The following CNTN4 variants were observed in gnomAD, a reference collection of about 807,000 sequenced individuals.
CNTN4 encodes the protein contactin 4, also known as contactin-4.
A neutral mutation model predicts 122.5 loss-of-function variants in CNTN4; 77 were observed. That is an observed-to-expected ratio of 0.63 (90% CI 0.52 to 0.76). The LOEUF (loss-of-function observed/expected upper bound fraction) is 0.76, where lower values mean the gene tolerates loss of function less well. CNTN4 is among the 30% of genes least tolerant of loss of function. The pLI, the probability that CNTN4 is intolerant of heterozygous loss-of-function variation, is 0.00. For missense variants in CNTN4, 1,256 were observed against 1,259.1 expected (o/e 1.00, Z 0.04); for synonymous variants, 512 against 447.0 (o/e 1.15, Z -1.83).
At chr3:2,439,142 A>G (rs1463358194) in intron 3 of CNTN4, among the ~76,000 whole-genome samples, 1 of 152,206 alleles carries the variant, frequency 6.6e-6, no homozygotes, top group Non-Finnish European at 1.5e-5. Context: ...TTTCTGGGAA[A>G]TTAAAACAAA....
chr3:2,751,919 C>T (rs1006814938), intron 6 of CNTN4, among the ~76,000 whole-genome samples: 8 of 151,986 alleles, frequency 5.3e-5, no homozygotes, highest in African/African-American at 1.2e-4. Context: ...AATCAAATGT[C>T]GTTAATTGTT....
At chr3:2,502,711 A>G (rs757988329) in intron 3 of CNTN4, among the ~76,000 whole-genome samples, 13 of 152,264 alleles carry the variant, frequency 8.5e-5, no homozygotes, top group South Asian at 8.3e-4. Flanking sequence ...TTGGAACTTT[A>G]CCTTCATTTT....
At chr3:2,399,258 C>T (rs2046752301) in intron 3 of CNTN4, among the ~76,000 whole-genome samples, 1 of 151,992 alleles carries the variant, frequency 6.6e-6, no homozygotes, top group Non-Finnish European at 1.5e-5. Context: ...CATGGTAAGC[C>T]ATAGTAAGCA....
chr3:2,644,234 A>G (rs1390698800), intron 4 of CNTN4, among the ~76,000 whole-genome samples: 1 of 152,218 alleles, frequency 6.6e-6, no homozygotes, highest in Non-Finnish European at 1.5e-5. Flanking sequence ...TTGGTCATAG[A>G]TGCTCTCAAT....
rs138028527 is a variant in CNTN4 at position 2,966,252 on chromosome 3, A to C, written c.1359-22093A>C. On this transcript the variant is annotated intron_variant, in intron 13 of 24. Coordinates refer to ENST00000418658, the MANE Select transcript of CNTN4 (RefSeq NM_175607.3). Reference sequence around the variant, plus strand: ...TTCAGTTAACTTTATTTTTTTTTACAGTTGATAGCTAGTATAAATCTCAGT... The same window carrying C: ...TTCAGTTAACTTTATTTTTTTTTACCGTTGATAGCTAGTATAAATCTCAGT... Among the ~76,000 whole-genome samples the C allele has an allele frequency of 3.1e-3, 465 of 152,190 alleles. 3 individuals are homozygous for C. The highest frequency in any genetic ancestry group is 0.012 in the East Asian group (63 of 5,178).
rs774417393 is a variant in CNTN4 at position 3,034,752 on chromosome 3, G to C, written c.1904G>C (p.Arg635Thr). Residue 635 changes from arginine (R) to threonine (T), a missense_variant, in exon 17 of 25, where the codon AGG becomes ACG. Transcript: ENST00000418658. ...SPITMYVIQA[R>T]TPFSVGWQAV... ...ATCACCATGTATGTCATTCAAGCCA[G>C]GACTCCATTCTCCGTGGGCTGGCAA... The C allele has an allele frequency of 3.1e-6, 5 of 1,614,090 alleles. No individual in the cohort carries two copies. The South Asian group carries it at 5.5e-5, about 18-fold the overall frequency.
chr3:2,293,603 T>C (rs572744024), intron 2 of CNTN4, among the ~76,000 whole-genome samples: 1 of 152,324 alleles, frequency 6.6e-6, no homozygotes, highest in South Asian at 2.1e-4. Flanking sequence ...ATAGGTTTCT[T>C]GGCACATAAT....
At chr3:2,389,925 A>G (rs546926892) in intron 3 of CNTN4, among the ~76,000 whole-genome samples, 1 of 152,336 alleles carries the variant, frequency 6.6e-6, no homozygotes, top group African/African-American at 2.4e-5. Context: ...AAGAACATAA[A>G]AGATAAAGCT....
intron 3 of CNTN4, among the ~76,000 whole-genome samples, chr3:2,526,179 G>A (rs1384646682): frequency 6.6e-6 from 1 of 151,982 alleles, no homozygotes; most frequent in African/African-American, 2.4e-5. Context: ...GGCCCTTCAT[G>A]CGCCCCACAA....
chr3:2,735,724 G>A (rs1329476964), intron 4 of CNTN4: 2 of 317,702 alleles, frequency 6.3e-6, no homozygotes, highest in African/African-American at 2.2e-5. Context: ...TTGAGGAAGT[G>A]TTGTGTATAT....
intron 3 of CNTN4, among the ~76,000 whole-genome samples, chr3:2,490,290 C>A (rs2076279402): frequency 6.6e-6 from 1 of 152,244 alleles, no homozygotes; most frequent in Admixed American, 6.5e-5. Context: ...CTGCAAGAAA[C>A]TGTCACGCCC....
At chr3:2,727,246 A>G (rs2088294968) in intron 4 of CNTN4, among the ~76,000 whole-genome samples, 1 of 152,234 alleles carries the variant, frequency 6.6e-6, no homozygotes, top group Non-Finnish European at 1.5e-5. Context: ...GTGTTACATA[A>G]TAGCATCCCC....
chr3:2,202,480 A>T (rs547135121), intron 2 of CNTN4, among the ~76,000 whole-genome samples: 1 of 152,104 alleles, frequency 6.6e-6, no homozygotes, highest in Non-Finnish European at 1.5e-5. Flanking sequence ...TTGTAACTGG[A>T]TTTGAAACCT....
At chr3:2,876,560 G>A (rs776289998) in intron 8 of CNTN4, among the ~76,000 whole-genome samples, 1 of 152,118 alleles carries the variant, frequency 6.6e-6, no homozygotes, top group Non-Finnish European at 1.5e-5. Context: ...GCTAAGGCAG[G>A]TGTTGGCAAA....
At chr3:2,158,273 T>C (rs548235042) in intron 2 of CNTN4, among the ~76,000 whole-genome samples, 5 of 152,340 alleles carry the variant, frequency 3.3e-5, no homozygotes, top group Admixed American at 2.0e-4. Context: ...AGTTTAGATA[T>C]GTTTCTAAAA....
chr3:2,760,890 C>G (rs1417815031), intron 6 of CNTN4, among the ~76,000 whole-genome samples: 1 of 152,178 alleles, frequency 6.6e-6, no homozygotes, highest in South Asian at 2.1e-4. Flanking sequence ...AACAACCACT[C>G]AAACAAGAAT....
At chr3:2,770,503 G>A (rs2091050910) in intron 6 of CNTN4, among the ~76,000 whole-genome samples, 1 of 152,204 alleles carries the variant, frequency 6.6e-6, no homozygotes, top group South Asian at 2.1e-4. Context: ...TCCCTCATCA[G>A]TCTGGCTCTA....
intron 3 of CNTN4, among the ~76,000 whole-genome samples, chr3:2,343,779 T>C (rs1440951322): frequency 6.6e-6 from 1 of 152,208 alleles, no homozygotes; most frequent in Admixed American, 6.5e-5. Context: ...TTCTCAGTCT[T>C]TTTTGCATTG....
At chr3:2,916,466 C>A in intron 12 of CNTN4, among the ~76,000 whole-genome samples, 1 of 149,478 alleles carries the variant, frequency 6.7e-6, no homozygotes, top group African/African-American at 2.5e-5. Flanking sequence ...CGCCCTTAAT[C>A]CATTTAACCC....
Sources: gnomAD v4.1 joint callset for allele counts (sites outside exome capture counted in the v4.1 genomes callset) on GRCh38, gnomAD v4.1.1 for gene constraint, MANE v1.5 for transcripts, NCBI Gene and HGNC (gene_info 2026-07-23, HGNC 2026-07-21) for gene names.